Variants in VRK3 observed in about 807,000 individuals in gnomAD.
VRK3 encodes the protein serine/threonine-protein kinase VRK3.
In VRK3, 50 loss-of-function variants were observed where a neutral mutation model predicts 60.4. The ratio of observed to expected loss-of-function variants is 0.83; its 90% CI spans 0.66 to 1.05. VRK3 has a LOEUF of 1.05. Among genes scored for constraint, VRK3 ranks in the 50% least tolerant of loss-of-function variants. The pLI, the probability that VRK3 is intolerant of heterozygous loss-of-function variation, is 0.00. For synonymous variants in VRK3, 246 were observed against 227.8 expected, an observed-to-expected ratio of 1.08 and a Z score of -0.72; for missense variants, 549 against 585.3, an observed-to-expected ratio of 0.94 and a Z score of 0.64.
chr19:50,011,949 G>A (rs73935143), intron 3 of VRK3, among the ~76,000 whole-genome samples: 7,905 of 150,090 alleles, frequency 0.053, 685 homozygotes, highest in African/African-American at 0.18. Context: ...GAACACATGT[G>A]CCAACTCCCA....
chr19:50,012,983 C>T (rs1008880449), intron 3 of VRK3, among the ~76,000 whole-genome samples: 7 of 151,742 alleles, frequency 4.6e-5, no homozygotes, highest in African/African-American at 7.3e-5. Flanking sequence ...CTGGCTAACA[C>T]GGTGAAACCC....
At chr19:49,982,433 A>T (rs1016153542) in intron 12 of VRK3, among the ~76,000 whole-genome samples, 2 of 152,214 alleles carry the variant, frequency 1.3e-5, no homozygotes, top group Non-Finnish European at 2.9e-5. Flanking sequence ...GTGAGCCACC[A>T]CGCCTGGCTG....
chr19:49,981,283 A>T, intron 12 of VRK3: 4 of 466,898 alleles, frequency 8.6e-6, no homozygotes, highest in East Asian at 3.9e-5. Context: ...ACAGTGGCTC[A>T]CGCCTGTAAT....
chr19:49,997,515 T>C lies in VRK3; in HGVS notation c.668A>G (p.Lys223Arg), dbSNP rs764200963. ...TCCCTGTCAGGTACCTTGCAGAGGC[T>C]TGGCGGCCCGCTGGAAGAAGTTCTG... Reference protein sequence around the residue: ...NEQNFFQRAAKPLQVNKWKKL... With the variant: ...NEQNFFQRAARPLQVNKWKKL... Residue 223 changes from lysine (K) to arginine (R), a missense_variant, in exon 7 of 15, where the codon AAG becomes AGG. By Grantham distance (26) the Lys-to-Arg change is conservative. Transcript: ENST00000316763. The C allele has an allele frequency of 1.2e-5, 19 of 1,613,888 alleles. No individual in the cohort carries two copies. The highest frequency in any genetic ancestry group is 9.3e-5 in the African/African-American group (7 of 74,918).
At chr19:49,992,980 C>A (rs1568785609) in intron 9 of VRK3, 28 bp from the exon 10 acceptor site, 1 of 1,598,266 alleles carries the variant, frequency 6.3e-7, no homozygotes. Flanking sequence ...TCAGTGTCTG[C>A]ATGAGCAGTA....
intron 1 of VRK3, among the ~76,000 whole-genome samples, chr19:50,022,004 T>G (rs2077178673): frequency 6.6e-6 from 1 of 151,992 alleles, no homozygotes; most frequent in African/African-American, 2.4e-5. Flanking sequence ...TGATTTTGTT[T>G]AATCTTTCCC....
rs759726431 is a variant in VRK3, at chr19:49,979,128, G to T, written c.1391C>A (p.Pro464Gln). The part of the protein sequence containing the change: ...EALLQDLRVS[P>Q]YDPIGLPMVP The stretch of plus-strand genomic sequence containing the variant: ...CATCGGGAGGCCAATGGGGTCATAT[G>T]GAGACACACGCAGATCCTGCAGCAA... The change falls in exon 14 of 15, where the codon CCA becomes CAA. Residue 464 changes from proline (P) to glutamine (Q), a missense_variant. Coordinates refer to ENST00000316763, the MANE Select transcript of VRK3 (RefSeq NM_016440.4). 2.5e-6 allele frequency: 4 copies of T among 1,613,818 alleles called. No homozygotes were observed. Among genetic ancestry groups the T allele is most frequent in the Non-Finnish European group, 3.4e-6 (4 of 1,179,794 alleles).
chr19:49,996,716 G>A (rs1373285026), intron 7 of VRK3, among the ~76,000 whole-genome samples: 3 of 151,622 alleles, frequency 2.0e-5, no homozygotes, highest in African/African-American at 4.8e-5. Context: ...TTCCAGGTTC[G>A]AGTGATTCTC....
intron 8 of VRK3, 28 bp downstream of exon 8, chr19:49,995,163 G>T: frequency 6.2e-7 from 1 of 1,610,390 alleles, no homozygotes; most frequent in Non-Finnish European, 8.5e-7. Context: ...AGAGGCCGGT[G>T]AGGCAAGCAG....
intron 2 of VRK3, 76 bp downstream of exon 2, chr19:50,020,509 G>A (rs1458231127): frequency 1.3e-5 from 2 of 152,304 alleles, no homozygotes; most frequent in African/African-American, 4.8e-5. Context: ...CAGCAACCCA[G>A]AGGAGACAAG....
chr19:50,007,881 A>G (rs1419139102), intron 4 of VRK3, 55 bp from the exon 5 acceptor site: 2 of 1,604,160 alleles, frequency 1.2e-6, no homozygotes, highest in Admixed American at 1.7e-5. Flanking sequence ...GAAAAGTTAG[A>G]TGGGGAGTGA....
intron 12 of VRK3, among the ~76,000 whole-genome samples, chr19:49,984,643 C>CT (rs1329134903): frequency 2.0e-5 from 3 of 152,080 alleles, no homozygotes; most frequent in Non-Finnish European, 2.9e-5. Flanking sequence ...TTTCCTTTTT[C>CT]TTTTTTTGAG....
intron 5 of VRK3, among the ~76,000 whole-genome samples, chr19:50,004,021 T>C (rs1372942479): frequency 6.6e-6 from 1 of 152,178 alleles, no homozygotes; most frequent in East Asian, 1.9e-4. Flanking sequence ...GCCAACATAG[T>C]GAGATCGTCT....
In VRK3 at chr19:50,000,799, T is replaced by A. The variant is rs11879616; in HGVS notation, c.603A>T (p.Ser201=). 1.2e-6 allele frequency: 2 copies of A among 1,613,132 alleles called. No homozygotes were observed. The highest frequency in any genetic ancestry group is 8.5e-7 in the Non-Finnish European group (1 of 1,179,648). ...CTGCAGGGTCACTTACCAGTTTGAG[T>A]GAGAACTTTTGCTTCTGTGGTCCTG... The part of the protein sequence containing the change: ...CDSGPQKQKF[S]LKLDAKDGRL... Residue 201 remains serine (S), a synonymous_variant, in exon 6 of 15, where the codon TCA becomes TCT. Transcript: ENST00000316763.
chr19:49,997,597 G>A (rs750619736), intron 6 of VRK3, 27 bp from the exon 7 acceptor site: 1 of 1,612,898 alleles, frequency 6.2e-7, no homozygotes, highest in Non-Finnish European at 8.5e-7. Context: ...GGGGCAGAAG[G>A]CTGTCACACT....
At chr19:49,981,236 G>A (rs553760416) in intron 12 of VRK3, 54 of 576,938 alleles carry the variant, frequency 9.4e-5, no homozygotes, top group South Asian at 7.9e-4. Context: ...CTGGCCACAC[G>A]ATTTTCCCCG....
At chr19:49,988,232 G>A (rs1026070266) in intron 12 of VRK3, 140 bp downstream of exon 12, 11 of 1,337,518 alleles carry the variant, frequency 8.2e-6, no homozygotes, top group African/African-American at 1.5e-5. Context: ...TGCAGCACAT[G>A]CCTGTGCGGC....
intron 3 of VRK3, among the ~76,000 whole-genome samples, chr19:50,014,047 A>G (rs1287412423): frequency 6.6e-6 from 1 of 152,108 alleles, no homozygotes; most frequent in Non-Finnish European, 1.5e-5. Flanking sequence ...CAGGTAGATC[A>G]CTTGAGGCCA....
chr19:50,008,708 C>A, intron 4 of VRK3: 1 of 153,158 alleles, frequency 6.5e-6, no homozygotes, highest in Non-Finnish European at 1.5e-5. Context: ...GCAGCAGGCA[C>A]GGGGGGGCGC....
Sources: allele counts gnomAD v4.1 joint callset (sites outside exome capture counted in the v4.1 genomes callset), GRCh38; gene constraint gnomAD v4.1.1; transcripts MANE v1.5; gene names NCBI Gene and HGNC (gene_info 2026-07-23, HGNC 2026-07-21).